Variants in MROH2B observed in about 807,000 individuals in gnomAD.
The protein encoded by MROH2B is maestro heat like repeat family member 2B, also known as maestro heat-like repeat-containing protein family member 2B.
A neutral mutation model predicts 208.6 loss-of-function variants in MROH2B; 177 were observed. The ratio of observed to expected loss-of-function variants is 0.85; its 90% CI spans 0.75 to 0.96. The LOEUF is 0.96. Ranked by LOEUF, MROH2B falls within the 40% of genes least tolerant of loss-of-function variation. The pLI, the probability that MROH2B is intolerant of heterozygous loss-of-function variation, is 0.00. For synonymous variants in MROH2B, 728 were observed against 659.0 expected, an observed-to-expected ratio of 1.10 and a Z score of -1.60; for missense variants, 2,002 against 1,878.7, an observed-to-expected ratio of 1.07 and a Z score of -1.21.
chr5:41,056,991 G>A lies in MROH2B; in HGVS notation c.919+118C>T, dbSNP rs113597524. On this transcript the variant is annotated intron_variant, in intron 9 of 41. Transcript: ENST00000399564. ...CAGAAAACTGTGAGCTAAAGAAACA[G>A]TGTGTGTGTTTGTGTGTGTGAAAGT... The A allele has an allele frequency of 2.9e-3, 2,913 of 1,009,986 alleles. 61 individuals carry two copies. The African/African-American group carries it at 0.041, about 14-fold the overall frequency. 62.6% of individuals were successfully genotyped at this position (1,009,986 alleles called of 1,614,324 possible). A position where few individuals can be genotyped will look rare whatever the true frequency, so the allele number is the denominator to read the frequency against.
intron 21 of MROH2B, among the ~76,000 whole-genome samples, chr5:41,036,765 G>A (rs1182114749): frequency 6.6e-6 from 1 of 151,998 alleles, no homozygotes. Flanking sequence ...AAACCTGCAC[G>A]TGTACCTCCT....
intron 2 of MROH2B, among the ~76,000 whole-genome samples, chr5:41,068,764 G>T (rs1442158533): frequency 6.6e-6 from 1 of 152,158 alleles, no homozygotes; most frequent in African/African-American, 2.4e-5. Flanking sequence ...CTTTCGGAAA[G>T]GTGACTTCTA....
chr5:41,008,678 A>C lies in MROH2B; in HGVS notation c.3536T>G (p.Leu1179Arg), dbSNP rs2271704. The change falls in exon 33 of 42, where the codon CTC becomes CGC. Residue 1179 changes from leucine (L) to arginine (R), a missense_variant. By Grantham distance (102) the Leu-to-Arg change is moderately radical. Transcript: ENST00000399564. The stretch of plus-strand genomic sequence containing the variant: ...CCGCCTATGGCTCCAGGGACAAGTG[A>C]GCATCTTCTGGCCCAGTGTGCAGCT... ...LVSCTLGQKM[L>R]TCPWSHRRHV... The C allele has an allele frequency of 1.2e-6, 2 of 1,613,748 alleles. No individual in the cohort carries two copies. Among genetic ancestry groups the C allele is most frequent in the Non-Finnish European group, 1.7e-6 (2 of 1,179,818 alleles).
chr5:41,021,662 G>C (rs1177348847), intron 24 of MROH2B, among the ~76,000 whole-genome samples: 1 of 152,168 alleles, frequency 6.6e-6, no homozygotes, highest in Non-Finnish European at 1.5e-5. Context: ...CTGAGAGCTT[G>C]AGCCCAGGAG....
At chr5:41,063,737 A>G (rs551056982) in intron 5 of MROH2B, among the ~76,000 whole-genome samples, 12 of 152,298 alleles carry the variant, frequency 7.9e-5, no homozygotes, top group Admixed American at 7.8e-4. Flanking sequence ...ACTGGGACTG[A>G]GAGAAGGGCA....
Position 41,064,402 on chromosome 5 carries a change from CT to C in MROH2B, c.460+69del, listed in dbSNP as rs1446283552. On this transcript the variant is annotated intron_variant, in intron 5 of 41. Transcript: ENST00000399564. ...GATTGGAGTTAAAGGGAAAACAAGA[CT>C]TTTGCTTAATTTGTAAGACAGTTCA... The C allele has an allele frequency of 9.1e-6, 12 of 1,320,126 alleles. No homozygotes were observed. In the African/African-American group the frequency reaches 1.7e-4, roughly 19 times the overall value. 81.8% of individuals were successfully genotyped at this position (1,320,126 alleles called of 1,614,324 possible).
At chr5:41,038,446 G>T (rs1423411) in intron 21 of MROH2B, among the ~76,000 whole-genome samples, 1 of 151,920 alleles carries the variant, frequency 6.6e-6, no homozygotes, top group East Asian at 1.9e-4. Flanking sequence ...AAATTTTTCT[G>T]TTCCCATATG....
intron 23 of MROH2B, 81 bp from the exon 24 acceptor site, chr5:41,032,902 T>C (rs977402697): frequency 2.6e-6 from 4 of 1,544,630 alleles, no homozygotes; most frequent in Admixed American, 3.8e-5. Flanking sequence ...CATCAGACCA[T>C]TGGGTGCCCT....
chr5:41,036,710 G>T (rs1204643851), intron 21 of MROH2B, among the ~76,000 whole-genome samples: 1 of 151,994 alleles, frequency 6.6e-6, no homozygotes, highest in Admixed American at 6.6e-5. Context: ...AAACCTAACT[G>T]TTGAGTACCT....
At chr5:41,041,572 C>A (rs1398725495) in intron 19 of MROH2B, among the ~76,000 whole-genome samples, 1 of 152,126 alleles carries the variant, frequency 6.6e-6, no homozygotes, top group Non-Finnish European at 1.5e-5. Flanking sequence ...TGCAGTGAAC[C>A]AAGATCGTGT....
intron 17 of MROH2B, among the ~76,000 whole-genome samples, chr5:41,046,391 T>C (rs932671911): frequency 1.6e-4 from 25 of 152,098 alleles, no homozygotes; most frequent in African/African-American, 5.6e-4. Context: ...AGGGTCACAA[T>C]CAGTCCTTTG....
chr5:41,018,587 C>T, intron 26 of MROH2B, 104 bp downstream of exon 26: 1 of 1,457,742 alleles, frequency 6.9e-7, no homozygotes, highest in Non-Finnish European at 9.4e-7. Context: ...TGGGTGGGTC[C>T]AGCTGGATGT....
intron 37 of MROH2B, among the ~76,000 whole-genome samples, chr5:41,003,411 A>T (rs775706028): frequency 6.6e-6 from 1 of 152,212 alleles, no homozygotes; most frequent in Non-Finnish European, 1.5e-5. Context: ...ACTAAAATCT[A>T]GAGGTTCATA....
chr5:41,033,597 G>C (rs918022026), intron 22 of MROH2B, among the ~76,000 whole-genome samples: 6 of 152,032 alleles, frequency 3.9e-5, no homozygotes, highest in Admixed American at 2.6e-4. Flanking sequence ...CCCAAAGTTT[G>C]AACACCATTG....
Position 41,051,108 on chromosome 5 carries a change from C to T in MROH2B, c.1231-18G>A. On this transcript the variant is annotated intron_variant, in intron 12 of 41. Coordinates refer to ENST00000399564, the MANE Select transcript of MROH2B (RefSeq NM_173489.5). ...GGTTTCTCCTTTAAGAAAGATCAAACAGGTGACTTGTTAATGACTCCTAAG... is the reference window on the plus strand; with the variant it reads ...GGTTTCTCCTTTAAGAAAGATCAAATAGGTGACTTGTTAATGACTCCTAAG... The T allele has an allele frequency of 6.7e-7, 1 of 1,495,300 alleles. No individual in the cohort carries two copies. Among genetic ancestry groups the T allele is most frequent in the Non-Finnish European group, 8.9e-7 (1 of 1,124,788 alleles). 92.6% of individuals were successfully genotyped at this position (1,495,300 alleles called of 1,614,324 possible). A position where few individuals can be genotyped will look rare whatever the true frequency, so the allele number is the denominator to read the frequency against.
At chr5:41,044,704 C>T (rs995476925) in intron 18 of MROH2B, among the ~76,000 whole-genome samples, 5 of 152,002 alleles carry the variant, frequency 3.3e-5, no homozygotes, top group African/African-American at 4.8e-5. Context: ...ATTAGAGAGT[C>T]GATCAATGAG....
In MROH2B at chr5:41,008,604, A is replaced by T. The variant is rs1160047762; in HGVS notation, c.3608+2T>A. ...GAAGATGCTTCCTGATTGGCCGTTT[A>T]CCTGCAGGGGTCTGGGATCTGCTGC... On this transcript the variant is annotated splice_donor_variant, in intron 33 of 41. Coordinates refer to ENST00000399564, the MANE Select transcript of MROH2B (RefSeq NM_173489.5). LOFTEE classifies it high-confidence loss of function. The T allele has an allele frequency of 1.2e-6, 2 of 1,613,060 alleles. No individual in the cohort carries two copies. Among genetic ancestry groups the T allele is most frequent in the Non-Finnish European group, 8.5e-7 (1 of 1,179,596 alleles).
intron 24 of MROH2B, among the ~76,000 whole-genome samples, chr5:41,024,310 C>T (rs865995958): frequency 1.8e-4 from 28 of 152,042 alleles, no homozygotes; most frequent in Middle Eastern, 3.4e-3. Flanking sequence ...CAGAGACACA[C>T]ATAGGCTCAA....
intron 17 of MROH2B, 31 bp downstream of exon 17, chr5:41,047,690 T>A: frequency 6.4e-7 from 1 of 1,571,492 alleles, no homozygotes; most frequent in Non-Finnish European, 8.7e-7. Context: ...ATCATGCCAT[T>A]ATTAAAAATT....
Sources: gnomAD v4.1 joint callset for allele counts (sites outside exome capture counted in the v4.1 genomes callset) on GRCh38, gnomAD v4.1.1 for gene constraint, MANE v1.5 for transcripts, NCBI Gene and HGNC (gene_info 2026-07-23, HGNC 2026-07-21) for gene names.